The following PPIP5K1 variants were observed in gnomAD, a reference collection of about 807,000 sequenced individuals.
PPIP5K1 encodes the protein diphosphoinositol pentakisphosphate kinase 1, also known as inositol hexakisphosphate and diphosphoinositol-pentakisphosphate kinase 1.
In PPIP5K1, 6 loss-of-function variants were observed where a neutral mutation model predicts 27.7. That is an observed-to-expected ratio of 0.22 (90% CI 0.12 to 0.43). The LOEUF is 0.43. PPIP5K1 is among the 20% of genes least tolerant of loss of function. PPIP5K1 has a pLI of 1.00. For synonymous variants in PPIP5K1, 145 were observed against 242.6 expected (o/e 0.60, Z 3.74); for missense variants, 394 against 635.4 (o/e 0.62, Z 4.08).
intron 30 of PPIP5K1, among the ~76,000 whole-genome samples, chr15:43,556,895 T>C (rs955882598): frequency 2.0e-5 from 3 of 152,230 alleles, no homozygotes; most frequent in African/African-American, 7.2e-5. Context: ...GTTGCCTCTT[T>C]CTGGATTCAG....
chr15:43,558,386 C>G (rs1196552710), intron 30 of PPIP5K1, among the ~76,000 whole-genome samples: 2 of 152,150 alleles, frequency 1.3e-5, no homozygotes, highest in African/African-American at 4.8e-5. Flanking sequence ...CACCACCGCA[C>G]CCAGCTAATT....
chr15:43,534,578 C>T lies in PPIP5K1; in HGVS notation c.*96G>A. The T allele has an allele frequency of 8.9e-7, 1 of 1,126,716 alleles. No individual in the cohort carries two copies. Among genetic ancestry groups the T allele is most frequent in the South Asian group, 1.7e-5 (1 of 59,052 alleles). The allele number at this position is 1,126,716 out of a possible 1,614,324, so 69.8% of individuals were successfully genotyped here. A position where few individuals can be genotyped will look rare whatever the true frequency, so the allele number is the denominator to read the frequency against. ...GTGAGTGCTGGTCATGGGCTAGAGA[C>T]TGGCTCTGAGGGTTTGGATCACCAG... On this transcript the variant is annotated 3_prime_UTR_variant, in exon 32 of 32. Transcript: ENST00000420765.
intron 30 of PPIP5K1, among the ~76,000 whole-genome samples, chr15:43,554,632 CAG>C (rs34883227): frequency 0.19 from 26,574 of 139,924 alleles, 2,808 homozygotes; most frequent in Middle Eastern, 0.31. Context: ...CACACACACA[CAG>C]ACACACACAC....
At chr15:43,537,242 G>A (rs1034913789) in intron 31 of PPIP5K1, 4 of 192,096 alleles carry the variant, frequency 2.1e-5, no homozygotes, top group African/African-American at 7.2e-5. Context: ...CTACTCAGGA[G>A]GCTGAGGCAG....
At chr15:43,535,583 T>C (rs943808464) in intron 31 of PPIP5K1, 107 bp from the exon 32 acceptor site, 7 of 932,816 alleles carry the variant, frequency 7.5e-6, no homozygotes, top group African/African-American at 3.3e-5. Flanking sequence ...ACTTATGTCT[T>C]GAGGGAAGAG....
chr15:43,549,157 C>A (rs1292595769), intron 30 of PPIP5K1, among the ~76,000 whole-genome samples: 1 of 146,484 alleles, frequency 6.8e-6, no homozygotes, highest in Non-Finnish European at 1.5e-5. Flanking sequence ...AGCAATCCTT[C>A]TGCCTCAGCC....
At chr15:43,545,846 C>T (rs975556385) in intron 30 of PPIP5K1, among the ~76,000 whole-genome samples, 1 of 152,098 alleles carries the variant, frequency 6.6e-6, no homozygotes, top group Non-Finnish European at 1.5e-5. Flanking sequence ...GCATTTAGTA[C>T]ACCCACAGTG....
rs148202516 is a variant in PPIP5K1 at position 43,567,118 on chromosome 15, G to GTTT, written c.3046+1342_3046+1344dup. 1.5e-3 allele frequency among the ~76,000 whole-genome samples: 142 copies of GTTT among 96,820 alleles called. 2 individuals are homozygous for GTTT. The South Asian group carries it at 0.02, about 13-fold the overall frequency. The allele number at this position is 96,820 out of a possible 152,430, so 63.5% of individuals were successfully genotyped here. On this transcript the variant is annotated intron_variant, in intron 26 of 31. Coordinates refer to ENST00000420765, the MANE Select transcript of PPIP5K1 (RefSeq NM_001394395.1). ...TAGATCTACACTATTGTTGTTTCGGGTTTTTTTTTTTTTTTTGAGACAGAG... is the reference window on the plus strand; with the variant it reads ...TAGATCTACACTATTGTTGTTTCGGGTTTTTTTTTTTTTTTTTTTGAGACAGAG...
intron 30 of PPIP5K1, among the ~76,000 whole-genome samples, chr15:43,553,664 AGACG>A (rs2082541084): frequency 8.3e-6 from 1 of 120,046 alleles, no homozygotes; most frequent in Non-Finnish European, 1.8e-5. Flanking sequence ...TTTTTTTTTG[AGACG>A]GAGTATCACT....
intron 30 of PPIP5K1, among the ~76,000 whole-genome samples, chr15:43,552,886 T>C (rs2082410955): frequency 6.6e-6 from 1 of 151,378 alleles, no homozygotes; most frequent in South Asian, 2.1e-4. Flanking sequence ...CTACTAAAAA[T>C]ACAAAAATTA....
intron 30 of PPIP5K1, among the ~76,000 whole-genome samples, chr15:43,556,047 C>T (rs187583774): frequency 1.3e-5 from 2 of 152,132 alleles, no homozygotes; most frequent in South Asian, 2.1e-4. Flanking sequence ...GGGCCGGGCG[C>T]AGTGACTCAT....
rs139570770 is a variant in PPIP5K1 at position 43,558,827 on chromosome 15, C to T, written c.3524G>A (p.Arg1175His). 1.1e-4 allele frequency: 173 copies of T among 1,613,930 alleles called. 3 individuals are homozygous for T. The highest frequency in any genetic ancestry group is 4.8e-4 in the African/African-American group (36 of 74,914). Reference sequence around the variant, plus strand: ...TGCCTGTGCCTGGGCATCAGTGTGGCGCTGGCAGACTCTACTCAAGAATTC... The same window carrying T: ...TGCCTGTGCCTGGGCATCAGTGTGGTGCTGGCAGACTCTACTCAAGAATTC... Reference protein sequence around the residue: ...VSEFLSRVCQRHTDAQAQASA... With the variant: ...VSEFLSRVCQHHTDAQAQASA... Residue 1175 changes from arginine (R) to histidine (H), a missense_variant, in exon 30 of 32, where the codon CGC becomes CAC. Arg to His is a conservative substitution (Grantham distance 29, BLOSUM62 0). Transcript: ENST00000420765.
At chr15:43,536,915 T>G (rs2079939000) in intron 31 of PPIP5K1, among the ~76,000 whole-genome samples, 1 of 152,120 alleles carries the variant, frequency 6.6e-6, no homozygotes, top group South Asian at 2.1e-4. Flanking sequence ...AATGACAGAT[T>G]CTGGGAAAAG....
At position 43,560,427 on chromosome 15, in the gene PPIP5K1, G is replaced by T. The variant is rs1256077329; in HGVS notation, c.3404C>A (p.Pro1135His). ...GCAGGGGGTACCGTAGAGGCACTCG[G>T]GGTCATCCTGGCCTGAGCGCAGCCA... is the stretch of plus-strand genomic sequence containing the variant. ...RNWLRSGQDD[P>H]ECLYGFEGCS... Residue 1135 changes from proline to histidine, a missense_variant, in exon 29 of 32, where the codon CCC becomes CAC. Transcript: ENST00000420765. The T allele has an allele frequency of 7.7e-7, 1 of 1,301,992 alleles. No individual in the cohort carries two copies. The highest frequency in any genetic ancestry group is 1.0e-6 in the Non-Finnish European group (1 of 988,658). The allele number at this position is 1,301,992 out of a possible 1,614,324, so 80.7% of individuals were successfully genotyped here.
At chr15:43,552,539 A>G (rs977050309) in intron 30 of PPIP5K1, among the ~76,000 whole-genome samples, 6 of 147,614 alleles carry the variant, frequency 4.1e-5, no homozygotes, top group East Asian at 2.2e-4. Context: ...AAAAAAAAAA[A>G]AAAAAAGAAA....
chr15:43,558,230 T>C (rs1022667055), intron 30 of PPIP5K1, among the ~76,000 whole-genome samples: 2 of 131,804 alleles, frequency 1.5e-5, no homozygotes, highest in South Asian at 2.3e-4. Flanking sequence ...CTAATGTTTG[T>C]ATTTTTTTTT....
chr15:43,554,967 C>T (rs1216585459), intron 30 of PPIP5K1, among the ~76,000 whole-genome samples: 1 of 152,050 alleles, frequency 6.6e-6, no homozygotes, highest in South Asian at 2.1e-4. Context: ...TCCTGAGTAG[C>T]TGGGATTACA....
intron 31 of PPIP5K1, among the ~76,000 whole-genome samples, chr15:43,538,696 A>T (rs1282944148): frequency 6.6e-6 from 1 of 152,084 alleles, no homozygotes; most frequent in African/African-American, 2.4e-5. Flanking sequence ...TATTTTTAGT[A>T]GAGACAGGGG....
At chr15:43,536,973 A>G (rs1449252516) in intron 31 of PPIP5K1, among the ~76,000 whole-genome samples, 1 of 152,172 alleles carries the variant, frequency 6.6e-6, no homozygotes, top group Non-Finnish European at 1.5e-5. Context: ...AAAAGTTGGT[A>G]AACCTGAGCC....
Sources: gnomAD v4.1 joint callset for allele counts (sites outside exome capture counted in the v4.1 genomes callset) on GRCh38, gnomAD v4.1.1 for gene constraint, MANE v1.5 for transcripts, NCBI Gene and HGNC (gene_info 2026-07-23, HGNC 2026-07-21) for gene names.